Variants in ROBO1 observed in about 807,000 individuals in gnomAD.
ROBO1 encodes the protein roundabout homolog 1.
Under a neutral mutation model 195.9 loss-of-function variants are expected in ROBO1, and 149 were observed. That is an observed-to-expected ratio of 0.76 (90% CI 0.67 to 0.87). ROBO1 has a LOEUF of 0.87. Ranked by LOEUF, ROBO1 falls within the 40% of genes least tolerant of loss-of-function variation. The probability of loss-of-function intolerance (pLI) is 0.00; values close to 1 mark genes in which losing one functional copy is unlikely to be tolerated. For missense variants in ROBO1, 1,933 were observed against 2,068.3 expected, an observed-to-expected ratio of 0.93 and a Z score of 1.27; for synonymous variants, 816 against 733.2, an observed-to-expected ratio of 1.11 and a Z score of -1.82.
At chr3:79,675,955 C>A (rs1189316773) in intron 1 of ROBO1, among the ~76,000 whole-genome samples, 1 of 151,912 alleles carries the variant, frequency 6.6e-6, no homozygotes, top group African/African-American at 2.4e-5. Flanking sequence ...GTATAGCTTT[C>A]TGTATTTTGG....
chr3:79,078,719 A>G (rs1199061741), intron 3 of ROBO1, among the ~76,000 whole-genome samples: 4 of 151,826 alleles, frequency 2.6e-5, no homozygotes, highest in Non-Finnish European at 5.9e-5. Context: ...AACAGTTTAT[A>G]AAGCACTTTC....
chr3:79,715,792 C>G (rs1156343371), intron 1 of ROBO1, among the ~76,000 whole-genome samples: 1 of 152,024 alleles, frequency 6.6e-6, no homozygotes, highest in Non-Finnish European at 1.5e-5. Context: ...TTTAATATTT[C>G]TTAACCACAT....
chr3:78,617,342 G>A (rs987565053), intron 27 of ROBO1, among the ~76,000 whole-genome samples: 1 of 151,934 alleles, frequency 6.6e-6, no homozygotes, highest in Non-Finnish European at 1.5e-5. Context: ...TGTGTAATAC[G>A]TATATTTGCT....
At chr3:79,481,398 CAA>C (rs1158652591) in intron 2 of ROBO1, among the ~76,000 whole-genome samples, 2 of 152,082 alleles carry the variant, frequency 1.3e-5, no homozygotes, top group East Asian at 3.9e-4. Context: ...TATAAGTGCA[CAA>C]TTTATCAATG....
At chr3:79,754,614 T>C (rs1054007579) in intron 1 of ROBO1, among the ~76,000 whole-genome samples, 7 of 152,160 alleles carry the variant, frequency 4.6e-5, no homozygotes, top group Non-Finnish European at 8.8e-5. Flanking sequence ...TTTCTCCTCA[T>C]AGGCAGTTTG....
At chr3:79,692,267 T>C (rs575101536) in intron 1 of ROBO1, among the ~76,000 whole-genome samples, 2 of 151,960 alleles carry the variant, frequency 1.3e-5, no homozygotes, top group African/African-American at 4.8e-5. Context: ...TAGATTATAA[T>C]GTAACAGGCT....
chr3:79,422,878 C>T (rs1463346007), intron 2 of ROBO1, among the ~76,000 whole-genome samples: 1 of 152,100 alleles, frequency 6.6e-6, no homozygotes, highest in African/African-American at 2.4e-5. Flanking sequence ...ACACAGAATT[C>T]TTCCATCTCC....
intron 2 of ROBO1, among the ~76,000 whole-genome samples, chr3:79,543,424 C>T (rs966101569): frequency 3.3e-5 from 5 of 151,958 alleles, no homozygotes; most frequent in African/African-American, 1.2e-4. Flanking sequence ...GGGGTACCTC[C>T]AGCCCTTGGT....
At chr3:78,708,142 AGTTCACCCT>A (rs1211841435) in intron 8 of ROBO1, among the ~76,000 whole-genome samples, 2 of 152,180 alleles carry the variant, frequency 1.3e-5, no homozygotes, top group Non-Finnish European at 2.9e-5. Flanking sequence ...AATGCCATCT[AGTTCACCCT>A]GTTTAAGCAA....
At chr3:79,455,325 G>A (rs2107222951) in intron 2 of ROBO1, among the ~76,000 whole-genome samples, 1 of 152,124 alleles carries the variant, frequency 6.6e-6, no homozygotes, top group East Asian at 1.9e-4. Flanking sequence ...GCTCATTATG[G>A]ACCAGATGGC....
chr3:79,668,475 C>G (rs1050073216), intron 1 of ROBO1, among the ~76,000 whole-genome samples: 1 of 150,690 alleles, frequency 6.6e-6, no homozygotes, highest in Non-Finnish European at 1.5e-5. Flanking sequence ...AAGCAACCTT[C>G]AAATTTAAAA....
intron 1 of ROBO1, among the ~76,000 whole-genome samples, chr3:79,684,361 C>CT (rs1026996786): frequency 2.6e-5 from 4 of 151,956 alleles, no homozygotes; most frequent in Admixed American, 6.6e-5. Context: ...AGTTATTTTG[C>CT]TTTTTTGATT....
At chr3:78,699,775 C>A (rs934831278) in intron 8 of ROBO1, among the ~76,000 whole-genome samples, 1 of 152,068 alleles carries the variant, frequency 6.6e-6, no homozygotes. Flanking sequence ...GCCCTACTGG[C>A]CTTCTTTCAG....
intron 2 of ROBO1, among the ~76,000 whole-genome samples, chr3:79,186,037 G>A (rs1174305038): frequency 6.6e-6 from 1 of 151,996 alleles, no homozygotes; most frequent in African/African-American, 2.4e-5. Context: ...TTATTTTAAT[G>A]ATGAGGAATA....
chr3:79,021,760 A>C (rs1380737933), intron 3 of ROBO1, among the ~76,000 whole-genome samples: 5 of 146,288 alleles, frequency 3.4e-5, no homozygotes, highest in African/African-American at 1.0e-4. Context: ...TCCCGGGTTC[A>C]CGCCATTCTC....
intron 1 of ROBO1, among the ~76,000 whole-genome samples, chr3:79,614,969 C>G (rs1157676667): frequency 6.6e-6 from 1 of 152,106 alleles, no homozygotes; most frequent in Non-Finnish European, 1.5e-5. Flanking sequence ...TTTGAGCACT[C>G]TGTCCTCACC....
chr3:79,408,790 G>C (rs1425563673), intron 2 of ROBO1, among the ~76,000 whole-genome samples: 6 of 152,024 alleles, frequency 3.9e-5, no homozygotes. Flanking sequence ...TAGATTTATA[G>C]ACTTTCTTTT....
At chr3:78,879,981 A>G (rs2036085317) in intron 4 of ROBO1, among the ~76,000 whole-genome samples, 1 of 152,192 alleles carries the variant, frequency 6.6e-6, no homozygotes, top group Non-Finnish European at 1.5e-5. Flanking sequence ...AAAGACAATC[A>G]TTACTCCACA....
At chr3:78,671,508 T>C (rs936019733) in intron 10 of ROBO1, among the ~76,000 whole-genome samples, 2 of 152,064 alleles carry the variant, frequency 1.3e-5, no homozygotes, top group South Asian at 2.1e-4. Context: ...CCAAGCTTTA[T>C]GCACCAAAGA....
Sources: gnomAD v4.1 joint callset for allele counts (sites outside exome capture counted in the v4.1 genomes callset) on GRCh38, gnomAD v4.1.1 for gene constraint, MANE v1.5 for transcripts, NCBI Gene and HGNC (gene_info 2026-07-23, HGNC 2026-07-21) for gene names.